Variants in IL16 observed in about 807,000 individuals in gnomAD.
IL16 encodes the protein interleukin 16.
A neutral mutation model predicts 110.1 loss-of-function variants in IL16; 67 were observed. The ratio of observed to expected loss-of-function variants is 0.61; its 90% CI spans 0.50 to 0.75. The LOEUF is 0.75. Ranked by LOEUF, IL16 falls within the 30% of genes least tolerant of loss-of-function variation. IL16 has a pLI of 0.00. For synonymous variants in IL16, 689 were observed against 662.9 expected (o/e 1.04, Z -0.61); for missense variants, 1,545 against 1,655.0 (o/e 0.93, Z 1.15).
In IL16 at chr15:81,259,897, C is replaced by T. The variant is rs755931550; in HGVS notation, c.421+17C>T. 4.1e-6 allele frequency: 6 copies of T among 1,478,628 alleles called. No homozygotes were observed. The African/African-American group carries it at 8.3e-5, about 20-fold the overall frequency. 91.6% of individuals were successfully genotyped at this position (1,478,628 alleles called of 1,614,324 possible). ...ACTCAACCAGTAAGTGTCTTCCCAACATGTCTTCAGGAACAGAGCTCAGCT... is the reference window on the plus strand; with the variant it reads ...ACTCAACCAGTAAGTGTCTTCCCAATATGTCTTCAGGAACAGAGCTCAGCT... On this transcript the variant is annotated intron_variant, in intron 3 of 18. Coordinates refer to ENST00000683961, the MANE Select transcript of IL16 (RefSeq NM_172217.5).
At position 81,296,965 on chromosome 15, in the gene IL16, A is replaced by C; in HGVS notation, c.1940A>C (p.Glu647Ala). 6.2e-7 allele frequency: 1 copy of C among 1,613,422 alleles called. No individual in the cohort carries two copies. The highest frequency in any genetic ancestry group is 8.5e-7 in the Non-Finnish European group (1 of 1,179,706). The change falls in exon 13 of 19, where the codon GAA (glutamate) becomes GCA (alanine). Residue 647 changes from glutamate to alanine, a missense_variant. By Grantham distance (107) the Glu-to-Ala change is moderately radical. Coordinates refer to ENST00000683961, the MANE Select transcript of IL16 (RefSeq NM_172217.5). ...RELLPLLLPQEDTAGRSPSAS... is the reference protein window; with the variant it reads ...RELLPLLLPQADTAGRSPSAS... ...CTGCTGCCACTGCTGCTACCACAGG[A>C]AGACACAGCAGGGAGAAGCCCTAGT...
At chr15:81,185,141 C>T (rs1182907597) in intron 1 of IL16, among the ~76,000 whole-genome samples, 3 of 151,962 alleles carry the variant, frequency 2.0e-5, no homozygotes, top group Non-Finnish European at 4.4e-5. Flanking sequence ...CCCCCACCAT[C>T]CCCCCAACGT....
At position 81,312,508 on chromosome 15, in the gene IL16, G is replaced by A. The variant is rs556880428; in HGVS notation, c.*3710G>A. 6.6e-6 allele frequency: 1 copy of A among 152,242 alleles called. No individual in the cohort carries two copies. Among genetic ancestry groups the A allele is most frequent in the Non-Finnish European group, 1.5e-5 (1 of 68,070 alleles). 9.4% of individuals were successfully genotyped at this position (152,242 alleles called of 1,614,324 possible). ...GAGTTCCCCATGCAGACATGAGTGCGTGCTCAGTTCAGAATCACTTCTGAG... is the reference window on the plus strand; with the variant it reads ...GAGTTCCCCATGCAGACATGAGTGCATGCTCAGTTCAGAATCACTTCTGAG... On this transcript the variant is annotated 3_prime_UTR_variant, in exon 19 of 19. Coordinates refer to ENST00000683961, the MANE Select transcript of IL16 (RefSeq NM_172217.5).
intron 7 of IL16, 26 bp from the exon 8 acceptor site, chr15:81,279,532 G>A (rs1383629349): frequency 1.3e-6 from 2 of 1,568,804 alleles, no homozygotes; most frequent in Non-Finnish European, 1.7e-6. Context: ...GCTGCTGGGT[G>A]TTGTAGCCCT....
intron 3 of IL16, 113 bp downstream of exon 3, chr15:81,259,993 G>A: frequency 1.5e-6 from 1 of 686,478 alleles, no homozygotes; most frequent in Non-Finnish European, 2.6e-6. Context: ...ACTAGCATTG[G>A]AGTCTGCTCA....
chr15:81,192,432 C>T (rs1383790949), upstream of IL16, among the ~76,000 whole-genome samples: 1 of 151,676 alleles, frequency 6.6e-6, no homozygotes, highest in African/African-American at 2.4e-5. Flanking sequence ...GAGACCGTGT[C>T]TCTACAAAAA....
chr15:81,249,759 A>G (rs1459360796), intron 2 of IL16, among the ~76,000 whole-genome samples: 2 of 152,204 alleles, frequency 1.3e-5, no homozygotes, highest in Non-Finnish European at 2.9e-5. Flanking sequence ...TACGTGAAGT[A>G]TAATTCTACC....
chr15:81,223,922 G>C (rs1276369332), intron 1 of IL16, among the ~76,000 whole-genome samples: 3 of 152,200 alleles, frequency 2.0e-5, no homozygotes, highest in Non-Finnish European at 4.4e-5. Flanking sequence ...GAAGGACATG[G>C]AGTACAAAAC....
chr15:81,297,211 A>T, intron 13 of IL16, 133 bp downstream of exon 13: 1 of 861,752 alleles, frequency 1.2e-6, no homozygotes, highest in Non-Finnish European at 1.7e-6. Flanking sequence ...GCTGATCAAC[A>T]GTCAAGGGTT....
At chr15:81,296,067 G>A (rs1254503204) in intron 12 of IL16, among the ~76,000 whole-genome samples, 2 of 152,172 alleles carry the variant, frequency 1.3e-5, no homozygotes, top group African/African-American at 4.8e-5. Context: ...TGGGTATTAT[G>A]TTTGGTTGGG....
intron 1 of IL16, among the ~76,000 whole-genome samples, chr15:81,222,425 G>T (rs1419282503): frequency 6.7e-6 from 1 of 148,220 alleles, no homozygotes; most frequent in African/African-American, 2.5e-5. Context: ...TTGCATAACT[G>T]CATAGGTCAA....
intron 1 of IL16, among the ~76,000 whole-genome samples, chr15:81,185,122 G>A (rs1178204617): frequency 6.6e-6 from 1 of 152,078 alleles, no homozygotes; most frequent in Non-Finnish European, 1.5e-5. Context: ...GGATTCTGCT[G>A]CACACCTTCC....
intron 2 of IL16, among the ~76,000 whole-genome samples, chr15:81,255,798 C>A (rs963451634): frequency 2.0e-5 from 3 of 152,208 alleles, no homozygotes; most frequent in Non-Finnish European, 4.4e-5. Context: ...GGCTCCACTT[C>A]CTATGATTCT....
chr15:81,265,084 A>G (rs1004408231), intron 3 of IL16, among the ~76,000 whole-genome samples: 1 of 152,172 alleles, frequency 6.6e-6, no homozygotes, highest in African/African-American at 2.4e-5. Context: ...GTTGGATGAA[A>G]GGAAGTCTGT....
At chr15:81,237,865 C>G (rs889071568) in intron 2 of IL16, among the ~76,000 whole-genome samples, 1 of 151,546 alleles carries the variant, frequency 6.6e-6, no homozygotes, top group Non-Finnish European at 1.5e-5. Context: ...TTTATTCACT[C>G]TACCAGTCTC....
chr15:81,219,004 C>A (rs1002749432), intron 1 of IL16, among the ~76,000 whole-genome samples: 1 of 151,948 alleles, frequency 6.6e-6, no homozygotes, highest in African/African-American at 2.4e-5. Flanking sequence ...TTTTCTTTAG[C>A]CTTCACGGTC....
chr15:81,284,825 C>G (rs997556299), intron 9 of IL16, among the ~76,000 whole-genome samples: 3 of 152,126 alleles, frequency 2.0e-5, no homozygotes, highest in African/African-American at 7.2e-5. Context: ...GTTTATGCCT[C>G]GTCTATGGCC....
In IL16 at chr15:81,308,566, C is replaced by T. The variant is rs764540862; in HGVS notation, c.3806-39C>T. The T allele has an allele frequency of 1.8e-5, 27 of 1,486,702 alleles. No homozygotes were observed. In the South Asian group the frequency reaches 2.8e-4, roughly 15 times the overall value. The allele number at this position is 1,486,702 out of a possible 1,614,324, so 92.1% of individuals were successfully genotyped here. ...AGAGGAGGCAACTTTCCTTGTTCCC[C>T]ATCATCTGTGGAACCCATTACCTTC... On this transcript the variant is annotated intron_variant, in intron 18 of 18. Transcript: ENST00000683961.
At chr15:81,195,406 T>C (rs1270064005), upstream of IL16, among the ~76,000 whole-genome samples, 1 of 151,994 alleles carries the variant, frequency 6.6e-6, no homozygotes, top group Non-Finnish European at 1.5e-5. Flanking sequence ...GTGAGAGAGA[T>C]TGTGGGTGTG....
Sources: allele counts gnomAD v4.1 joint callset (sites outside exome capture counted in the v4.1 genomes callset), GRCh38; gene constraint gnomAD v4.1.1; transcripts MANE v1.5; gene names NCBI Gene and HGNC (gene_info 2026-07-23, HGNC 2026-07-21).